PCDHA13: variants seen among roughly 807,000 people sequenced by gnomAD.
PCDHA13 encodes the protein protocadherin alpha-13.
A neutral mutation model predicts 64.8 loss-of-function variants in PCDHA13; 54 were observed. That is an observed-to-expected ratio of 0.83 (90% CI 0.67 to 1.04). The LOEUF (loss-of-function observed/expected upper bound fraction) is 1.04. Ranked by LOEUF, PCDHA13 falls within the 50% of genes least tolerant of loss-of-function variation. The probability of loss-of-function intolerance (pLI) is 0.00; values close to 1 mark genes in which losing one functional copy is unlikely to be tolerated. For missense variants in PCDHA13, 1,248 were observed against 1,254.3 expected, an observed-to-expected ratio of 0.99 and a Z score of 0.08; for synonymous variants, 587 against 564.4, an observed-to-expected ratio of 1.04 and a Z score of -0.57.
intron 1 of PCDHA13, among the ~76,000 whole-genome samples, chr5:140,919,377 A>G (rs2079104195): frequency 1.3e-5 from 2 of 152,208 alleles, no homozygotes; most frequent in Non-Finnish European, 2.9e-5. Context: ...CAGACAACAC[A>G]TAGTTGGATG....
chr5:140,898,035 TG>T (rs1376690690), intron 1 of PCDHA13, among the ~76,000 whole-genome samples: 1 of 152,120 alleles, frequency 6.6e-6, no homozygotes, highest in Non-Finnish European at 1.5e-5. Flanking sequence ...TTGATGGGGT[TG>T]TTTGTTTTTT....
chr5:140,977,122 AG>A (rs2096747423), intron 1 of PCDHA13, among the ~76,000 whole-genome samples: 1 of 152,226 alleles, frequency 6.6e-6, no homozygotes, highest in South Asian at 2.1e-4. Flanking sequence ...TAATGAACTG[AG>A]TTTCCTGGTC....
intron 1 of PCDHA13, chr5:140,930,281 A>G (rs1554207692): frequency 6.6e-6 from 1 of 152,242 alleles, no homozygotes; most frequent in Non-Finnish European, 1.5e-5. Flanking sequence ...TAGGGGACAA[A>G]TACACTTAAC....
chr5:140,950,959 T>C (rs969091651), intron 1 of PCDHA13, among the ~76,000 whole-genome samples: 5 of 152,120 alleles, frequency 3.3e-5, no homozygotes, highest in Non-Finnish European at 5.9e-5. Context: ...TCTATTGATC[T>C]ATTTTCAGAT....
At position 141,010,553 on chromosome 5, in the gene PCDHA13, C is replaced by T; in HGVS notation, c.*616C>T. ...CCACCCTCTAGGAGACAAAACTACC[C>T]CCACTGACAAGGCTTTAGGAGACCC... is the stretch of plus-strand genomic sequence containing the variant. On this transcript the variant is annotated 3_prime_UTR_variant, in exon 4 of 4. Transcript: ENST00000289272. The T allele has an allele frequency of 6.2e-6, 2 of 323,850 alleles. No homozygotes were observed. The highest frequency in any genetic ancestry group is 1.1e-5 in the Non-Finnish European group (2 of 176,368). 20.1% of individuals were successfully genotyped at this position (323,850 alleles called of 1,614,324 possible). A position where few individuals can be genotyped will look rare whatever the true frequency, so the allele number is the denominator to read the frequency against.
intron 1 of PCDHA13, among the ~76,000 whole-genome samples, chr5:140,938,831 A>G (rs782069247): frequency 2.0e-5 from 3 of 152,118 alleles, no homozygotes; most frequent in Non-Finnish European, 4.4e-5. Flanking sequence ...AGTTTGCGTT[A>G]TAACAAACCT....
At chr5:140,966,747 C>T (rs2096048243) in intron 1 of PCDHA13, 3 of 1,426,904 alleles carry the variant, frequency 2.1e-6, no homozygotes, top group Admixed American at 5.5e-5. Flanking sequence ...GCCCGGCTGC[C>T]TCCGCCGCGG....
rs782059444 is a variant in PCDHA13 at position 140,884,252 on chromosome 5, A to T, written c.1984A>T (p.Thr662Ser). 2.2e-5 allele frequency: 36 copies of T among 1,613,334 alleles called. No individual in the cohort carries two copies. Among genetic ancestry groups the T allele is most frequent in the Non-Finnish European group, 2.9e-5 (34 of 1,179,722 alleles). ...CCACGGTGAGCCCGCGCTGACGGCC[A>T]CGGCAACGGTGCTGTTGTCGCTGGT... ...KDHGEPALTATATVLLSLVES... is the reference protein window; with the variant it reads ...KDHGEPALTASATVLLSLVES... Residue 662 changes from threonine (T) to serine (S), a missense_variant, in exon 1 of 4, where the codon ACG becomes TCG. By Grantham distance (58) the Thr-to-Ser change is moderately conservative (BLOSUM62 1). Transcript: ENST00000289272.
intron 1 of PCDHA13, among the ~76,000 whole-genome samples, chr5:140,948,503 A>G (rs949915439): frequency 1.4e-4 from 22 of 151,736 alleles, no homozygotes; most frequent in Middle Eastern, 3.4e-3. Flanking sequence ...TAGACTTTCT[A>G]TTAAAAATGT....
chr5:140,885,051 A>G (rs2060446316), intron 1 of PCDHA13, among the ~76,000 whole-genome samples: 1 of 152,230 alleles, frequency 6.6e-6, no homozygotes, highest in Non-Finnish European at 1.5e-5. Context: ...TAATGTATAC[A>G]TATACCCACA....
At chr5:140,948,861 A>G (rs1298940496) in intron 1 of PCDHA13, among the ~76,000 whole-genome samples, 1 of 151,528 alleles carries the variant, frequency 6.6e-6, no homozygotes, top group African/African-American at 2.4e-5. Flanking sequence ...TTCTTATATT[A>G]CTTCGGGTTT....
chr5:141,004,888 G>A lies in PCDHA13; in HGVS notation c.2543-4739G>A, dbSNP rs555046086. ...TTTCTCATCCCTAAAGTGCTATTGT[G>A]TCAGCTCTGCCAGGGTGTAAGGAAA... On this transcript the variant is annotated intron_variant, in intron 3 of 3. Transcript: ENST00000289272. Among the ~76,000 whole-genome samples the A allele has an allele frequency of 2.0e-5, 3 of 152,250 alleles. No individual in the cohort carries two copies. The East Asian group carries it at 5.8e-4, about 29-fold the overall frequency.
chr5:140,960,299 A>C (rs246005), intron 1 of PCDHA13, among the ~76,000 whole-genome samples: 85,531 of 151,846 alleles, frequency 0.56, 24,685 homozygotes, highest in African/African-American at 0.69. Flanking sequence ...TTTCTTCATC[A>C]ATACCAACCT....
chr5:140,916,161 G>C (rs1469456505), intron 1 of PCDHA13, among the ~76,000 whole-genome samples: 2 of 152,084 alleles, frequency 1.3e-5, no homozygotes, highest in African/African-American at 2.4e-5. Flanking sequence ...GGTGAATGCT[G>C]CCAGGCCTGG....
intron 1 of PCDHA13, chr5:140,927,716 G>A (rs782756674): frequency 2.5e-6 from 4 of 1,614,072 alleles, no homozygotes; most frequent in Non-Finnish European, 3.4e-6. Context: ...CTAAGCAACA[G>A]CACGCAAGCA....
At chr5:140,988,267 C>T (rs1204961254) in intron 3 of PCDHA13, among the ~76,000 whole-genome samples, 1 of 152,146 alleles carries the variant, frequency 6.6e-6, no homozygotes, top group Non-Finnish European at 1.5e-5. Flanking sequence ...GAGTATCCTT[C>T]GCTGTCACCT....
intron 3 of PCDHA13, among the ~76,000 whole-genome samples, chr5:140,991,118 A>T (rs2153893669): frequency 6.6e-6 from 1 of 152,340 alleles, no homozygotes; most frequent in South Asian, 2.1e-4. Context: ...GCTTTCTTAC[A>T]TTCACACAGC....
intron 3 of PCDHA13, among the ~76,000 whole-genome samples, chr5:140,999,630 A>G (rs2097866462): frequency 1.3e-5 from 2 of 152,210 alleles, no homozygotes; most frequent in Non-Finnish European, 2.9e-5. Context: ...GAAACAAGGT[A>G]GAGAAAACTG....
At chr5:140,960,764 A>C (rs1383623742) in intron 1 of PCDHA13, among the ~76,000 whole-genome samples, 7 of 152,164 alleles carry the variant, frequency 4.6e-5, no homozygotes, top group African/African-American at 1.7e-4. Flanking sequence ...CAAGAGTTAC[A>C]GAGGAGAAAT....
Sources: allele counts gnomAD v4.1 joint callset (sites outside exome capture counted in the v4.1 genomes callset), GRCh38; gene constraint gnomAD v4.1.1; transcripts MANE v1.5; gene names NCBI Gene and HGNC (gene_info 2026-07-23, HGNC 2026-07-21).